The following DLG2 variants were observed in gnomAD, a reference collection of about 807,000 sequenced individuals.
DLG2 encodes discs large MAGUK scaffold protein 2, also known as disks large homolog 2.
DLG2 carries 45 observed loss-of-function variants against 132.5 expected under a neutral mutation model. The observed-to-expected ratio is 0.34, with a 90% CI of 0.27 to 0.44. The LOEUF (loss-of-function observed/expected upper bound fraction) is 0.44. Among genes scored for constraint, DLG2 ranks in the 20% least tolerant of loss-of-function variants. The pLI, the probability that DLG2 is intolerant of heterozygous loss-of-function variation, is 1.00. For missense variants in DLG2, 1,045 were observed against 1,196.9 expected (o/e 0.87, Z 1.87); for synonymous variants, 424 against 419.6 (o/e 1.01, Z -0.13).
At chr11:84,707,826 A>T (rs1402880100) in intron 6 of DLG2, among the ~76,000 whole-genome samples, 1 of 151,852 alleles carries the variant, frequency 6.6e-6, no homozygotes, top group African/African-American at 2.4e-5. Flanking sequence ...TATATAAATA[A>T]AAACTGTGGG....
chr11:85,611,113 G>T (rs764063233), intron 2 of DLG2, among the ~76,000 whole-genome samples: 3 of 152,156 alleles, frequency 2.0e-5, no homozygotes, highest in Admixed American at 6.5e-5. Context: ...GAGTCCTTAC[G>T]CAGGCTCATG....
chr11:84,801,335 C>T (rs1245724926), intron 6 of DLG2, among the ~76,000 whole-genome samples: 2 of 152,022 alleles, frequency 1.3e-5, no homozygotes, highest in African/African-American at 2.4e-5. Flanking sequence ...ACTTTGAGGC[C>T]GAGGCGGGCG....
At chr11:84,347,376 TG>T (rs1334937790) in intron 7 of DLG2, among the ~76,000 whole-genome samples, 2 of 152,230 alleles carry the variant, frequency 1.3e-5, no homozygotes, top group East Asian at 3.8e-4. Context: ...TTATAATTTT[TG>T]TTAAGCCAGT....
At chr11:84,478,782 G>A (rs963139098) in intron 7 of DLG2, among the ~76,000 whole-genome samples, 17 of 151,904 alleles carry the variant, frequency 1.1e-4, no homozygotes, top group African/African-American at 3.9e-4. Context: ...AAGAGATTAA[G>A]GCCTGTCAGC....
chr11:84,403,092 CATTTCCAGAAG>C (rs2098836452), intron 7 of DLG2, among the ~76,000 whole-genome samples: 1 of 151,776 alleles, frequency 6.6e-6, no homozygotes, highest in Non-Finnish European at 1.5e-5. Flanking sequence ...TTCTCAAGTT[CATTTCCAGAAG>C]ATATCCTCTA....
chr11:84,673,414 G>T (rs1462177581), intron 6 of DLG2, among the ~76,000 whole-genome samples: 1 of 151,940 alleles, frequency 6.6e-6, no homozygotes, highest in African/African-American at 2.4e-5. Flanking sequence ...TCCTGGCTTT[G>T]TCAAAAATAA....
At chr11:84,782,835 G>A (rs1598021508) in intron 6 of DLG2, among the ~76,000 whole-genome samples, 3 of 151,996 alleles carry the variant, frequency 2.0e-5, no homozygotes, top group South Asian at 2.1e-4. Context: ...ATCTGTCATT[G>A]ATCACTTTTA....
At chr11:84,545,266 A>G (rs1039101391) in intron 6 of DLG2, 2 of 495,490 alleles carry the variant, frequency 4.0e-6, no homozygotes, top group Admixed American at 2.1e-5. Context: ...TTCTCTCCTC[A>G]TGGGTCCAAA....
intron 6 of DLG2, among the ~76,000 whole-genome samples, chr11:84,825,792 C>T (rs940464516): frequency 1.3e-5 from 2 of 151,906 alleles, no homozygotes; most frequent in Non-Finnish European, 2.9e-5. Context: ...AGACATATCC[C>T]TTGCCTCACT....
intron 18 of DLG2, among the ~76,000 whole-genome samples, chr11:83,717,306 ATGTT>A (rs1290465181): frequency 1.3e-5 from 2 of 152,200 alleles, no homozygotes; most frequent in Non-Finnish European, 2.9e-5. Flanking sequence ...GATGACTTAA[ATGTT>A]TGCTTTTCAC....
chr11:84,287,723 A>G (rs12577267), intron 7 of DLG2, among the ~76,000 whole-genome samples: 1 of 136,442 alleles, frequency 7.3e-6, no homozygotes, highest in Non-Finnish European at 1.6e-5. Flanking sequence ...CTCTCCCTCC[A>G]TATTTTTCTC....
intron 12 of DLG2, among the ~76,000 whole-genome samples, chr11:83,977,579 A>G (rs1394963205): frequency 2.0e-5 from 3 of 152,090 alleles, no homozygotes; most frequent in Non-Finnish European, 4.4e-5. Context: ...TGAGGTAGGT[A>G]ATCAACAGGA....
At chr11:85,230,400 T>C (rs970057402) in intron 4 of DLG2, among the ~76,000 whole-genome samples, 1 of 151,826 alleles carries the variant, frequency 6.6e-6, no homozygotes, top group Non-Finnish European at 1.5e-5. Flanking sequence ...ACAAGTATGC[T>C]GATGTTGAAT....
At chr11:85,501,156 C>A (rs892318152) in intron 3 of DLG2, among the ~76,000 whole-genome samples, 6 of 152,284 alleles carry the variant, frequency 3.9e-5, no homozygotes, top group Admixed American at 3.9e-4. Flanking sequence ...CCGACAAAAA[C>A]AAGCAATGGG....
At chr11:83,943,094 G>A (rs1396880368) in intron 14 of DLG2, among the ~76,000 whole-genome samples, 2 of 152,128 alleles carry the variant, frequency 1.3e-5, no homozygotes, top group Non-Finnish European at 2.9e-5. Flanking sequence ...CCATGATTGT[G>A]AGGCTTCCTC....
chr11:84,961,496 C>T (rs1462490231), intron 6 of DLG2, among the ~76,000 whole-genome samples: 2 of 150,286 alleles, frequency 1.3e-5, no homozygotes, highest in East Asian at 4.0e-4. Flanking sequence ...ATTGTCCCTA[C>T]CTCCAAGTTA....
At position 84,282,396 on chromosome 11, in the gene DLG2, C is replaced by G. The variant is rs2097862168; in HGVS notation, c.520-31105G>C. 2.6e-5 allele frequency among the ~76,000 whole-genome samples: 4 copies of G among 151,930 alleles called. No homozygotes were observed. The South Asian group carries it at 8.3e-4, about 32-fold the overall frequency. On this transcript the variant is annotated intron_variant, in intron 7 of 27. Coordinates refer to ENST00000376104, the MANE Select transcript of DLG2 (RefSeq NM_001142699.3). ...ATAAGGTAGTTGGAGGGAGGGATTA[C>G]AAAAGTCTGGAGAGATTACAAAAAG...
intron 3 of DLG2, among the ~76,000 whole-genome samples, chr11:85,533,322 C>T (rs118157676): frequency 0.089 from 13,511 of 151,990 alleles, 987 homozygotes; most frequent in Non-Finnish European, 0.12. Context: ...CCACACCCAG[C>T]CTCCTAAGGT....
chr11:84,545,533 C>G, intron 6 of DLG2: 1 of 390,702 alleles, frequency 2.6e-6, no homozygotes, highest in Non-Finnish European at 5.0e-6. Flanking sequence ...CTAGCCTTCT[C>G]TTGCTTTGAC....
Sources: gnomAD v4.1 joint callset for allele counts (sites outside exome capture counted in the v4.1 genomes callset) on GRCh38, gnomAD v4.1.1 for gene constraint, MANE v1.5 for transcripts, NCBI Gene and HGNC (gene_info 2026-07-23, HGNC 2026-07-21) for gene names.